WWP1: variants seen among roughly 807,000 people sequenced by gnomAD.
WWP1 encodes the protein NEDD4-like E3 ubiquitin-protein ligase WWP1.
Under a neutral mutation model 130.6 loss-of-function variants are expected in WWP1, and 49 were observed. The ratio of observed to expected loss-of-function variants is 0.38; its 90% CI spans 0.30 to 0.48. WWP1 has a LOEUF of 0.48. WWP1 is among the 20% of genes least tolerant of loss of function. WWP1 has a pLI of 0.99. For synonymous variants in WWP1, 332 were observed against 367.8 expected, an observed-to-expected ratio of 0.90 and a Z score of 1.11; for missense variants, 809 against 1,100.6, an observed-to-expected ratio of 0.74 and a Z score of 3.75.
chr8:86,387,114 C>T (rs899701598), intron 5 of WWP1: 7 of 152,162 alleles, frequency 4.6e-5, no homozygotes, highest in African/African-American at 1.7e-4. Context: ...TTTCAACATA[C>T]AAATTTTGTG....
At chr8:86,361,961 C>CGTG (rs1823626326) in intron 1 of WWP1, among the ~76,000 whole-genome samples, 1 of 126,834 alleles carries the variant, frequency 7.9e-6, no homozygotes, top group Non-Finnish European at 1.7e-5. Context: ...GAAAATATGC[C>CGTG]TAGTGTGTGT....
At chr8:86,393,182 C>G (rs1807452500) in intron 5 of WWP1, among the ~76,000 whole-genome samples, 1 of 151,714 alleles carries the variant, frequency 6.6e-6, no homozygotes, top group Non-Finnish European at 1.5e-5. Flanking sequence ...CTCAGTTAAT[C>G]ATTAGCCTTT....
At chr8:86,384,785 G>C (rs1020679319) in intron 5 of WWP1, among the ~76,000 whole-genome samples, 5 of 152,120 alleles carry the variant, frequency 3.3e-5, no homozygotes, top group African/African-American at 1.2e-4. Flanking sequence ...TGGATCACCT[G>C]AGCTCAGGAG....
chr8:86,346,479 T>C (rs1822589815), intron 1 of WWP1, among the ~76,000 whole-genome samples: 1 of 152,198 alleles, frequency 6.6e-6, no homozygotes, highest in Non-Finnish European at 1.5e-5. Context: ...ATTCTTTTCT[T>C]TCAGGAAGCC....
chr8:86,378,691 A>G (rs1336663203), intron 3 of WWP1, among the ~76,000 whole-genome samples: 1 of 152,176 alleles, frequency 6.6e-6, no homozygotes, highest in Non-Finnish European at 1.5e-5. Flanking sequence ...ATTCCTCATG[A>G]GATTAAAGAT....
At chr8:86,424,876 G>A (rs1809527261) in intron 9 of WWP1, among the ~76,000 whole-genome samples, 1 of 142,492 alleles carries the variant, frequency 7.0e-6, no homozygotes, top group South Asian at 2.3e-4. Flanking sequence ...GGAGGGGAGA[G>A]GGAGAGGTTT....
chr8:86,456,372 A>G (rs1811444562), intron 21 of WWP1, among the ~76,000 whole-genome samples: 1 of 152,000 alleles, frequency 6.6e-6, no homozygotes, highest in African/African-American at 2.4e-5. Flanking sequence ...TATCTGGAAT[A>G]TATTAACAAA....
chr8:86,451,520 G>A (rs1811178489), intron 20 of WWP1, among the ~76,000 whole-genome samples: 1 of 152,184 alleles, frequency 6.6e-6, no homozygotes, highest in Non-Finnish European at 1.5e-5. Flanking sequence ...TGGGTTAAAG[G>A]AAGGGTTTTT....
chr8:86,352,698 A>G (rs1823009416), intron 1 of WWP1, among the ~76,000 whole-genome samples: 1 of 152,154 alleles, frequency 6.6e-6, no homozygotes, highest in Non-Finnish European at 1.5e-5. Context: ...CACATGTGTA[A>G]TGTAAATACA....
At chr8:86,417,811 C>CTA (rs1241924494) in intron 9 of WWP1, among the ~76,000 whole-genome samples, 9 of 152,014 alleles carry the variant, frequency 5.9e-5, no homozygotes, top group Admixed American at 5.9e-4. Context: ...AGAATGGTGT[C>CTA]TATATATATT....
chr8:86,345,916 G>A (rs1160001544), intron 1 of WWP1, among the ~76,000 whole-genome samples: 1 of 152,174 alleles, frequency 6.6e-6, no homozygotes, highest in East Asian at 1.9e-4. Context: ...TTTGCCTGAA[G>A]CATCATTCAG....
At chr8:86,446,805 A>G (rs958160836) in intron 18 of WWP1, among the ~76,000 whole-genome samples, 5 of 152,194 alleles carry the variant, frequency 3.3e-5, no homozygotes, top group African/African-American at 4.8e-5. Context: ...TATGAGAGCA[A>G]TGGGCTTGAG....
At chr8:86,463,339 C>T (rs538567997) in intron 24 of WWP1, among the ~76,000 whole-genome samples, 1 of 152,068 alleles carries the variant, frequency 6.6e-6, no homozygotes, top group South Asian at 2.1e-4. Flanking sequence ...TGGAGTCTCA[C>T]TCTGTCACCC....
At chr8:86,406,895 T>C (rs959899867) in intron 8 of WWP1, among the ~76,000 whole-genome samples, 1 of 152,252 alleles carries the variant, frequency 6.6e-6, no homozygotes, top group Non-Finnish European at 1.5e-5. Flanking sequence ...GTATTCACTC[T>C]AGTATTTCTA....
chr8:86,377,610 G>T (rs1344178816), intron 3 of WWP1, among the ~76,000 whole-genome samples: 1 of 151,952 alleles, frequency 6.6e-6, no homozygotes, highest in African/African-American at 2.4e-5. Flanking sequence ...ATGGAACGCG[G>T]AAAAACTGAT....
Position 86,420,250 on chromosome 8 carries a change from A to G in WWP1, c.1062-4973A>G, listed in dbSNP as rs370960332. ...AGAAGCTAATCAGAAGGCAGGTGCA[A>G]TCATAGAACAGCTAATGAGCTTGAA... On this transcript the variant is annotated intron_variant, in intron 9 of 24. Transcript: ENST00000517970. Among the ~76,000 whole-genome samples the G allele has an allele frequency of 3.9e-5, 6 of 152,218 alleles. No homozygotes were observed. The East Asian group carries it at 1.2e-3, about 29-fold the overall frequency.
At position 86,376,224 on chromosome 8, in the gene WWP1, G is replaced by A. The variant is rs1034844934; in HGVS notation, c.70+2104G>A. Among the ~76,000 whole-genome samples the A allele has an allele frequency of 4.6e-5, 7 of 152,200 alleles. No individual in the cohort carries two copies. In the South Asian group the frequency reaches 6.2e-4, roughly 13 times the overall value. On this transcript the variant is annotated intron_variant, in intron 3 of 24. Coordinates refer to ENST00000517970, the MANE Select transcript of WWP1 (RefSeq NM_007013.4). The stretch of plus-strand genomic sequence containing the variant: ...AGGACCAATGGACAGTACACCTGAG[G>A]TGTAACTTTCAAATGATCTTGACCT...
intron 18 of WWP1, among the ~76,000 whole-genome samples, chr8:86,447,670 T>C (rs1332855610): frequency 6.6e-6 from 1 of 152,154 alleles, no homozygotes; most frequent in Non-Finnish European, 1.5e-5. Context: ...CAGTGGATTT[T>C]TTTAGTTCCC....
In WWP1 at chr8:86,424,289, C is replaced by T. The variant is rs549674117; in HGVS notation, c.1062-934C>T. On this transcript the variant is annotated intron_variant, in intron 9 of 24. Coordinates refer to ENST00000517970, the MANE Select transcript of WWP1 (RefSeq NM_007013.4). The stretch of plus-strand genomic sequence containing the variant: ...ACTCCTCACTTCCTGGACAGGATGG[C>T]GGCCGGGAAGAGGCGCTCCTCACTT... 2.3e-4 allele frequency among the ~76,000 whole-genome samples: 35 copies of T among 151,524 alleles called. No homozygotes were observed. The East Asian group carries it at 6.1e-3, about 27-fold the overall frequency.
Sources: gnomAD v4.1 joint callset for allele counts (sites outside exome capture counted in the v4.1 genomes callset) on GRCh38, gnomAD v4.1.1 for gene constraint, MANE v1.5 for transcripts, NCBI Gene and HGNC (gene_info 2026-07-23, HGNC 2026-07-21) for gene names.